The following DENND5A variants were observed in gnomAD, a reference collection of about 807,000 sequenced individuals.
DENND5A encodes DENN domain-containing protein 5A.
A neutral mutation model predicts 140.3 loss-of-function variants in DENND5A; 64 were observed. That is an observed-to-expected ratio of 0.46 (90% CI 0.37 to 0.56). DENND5A has a LOEUF of 0.56. Among genes scored for constraint, DENND5A ranks in the 20% least tolerant of loss-of-function variants. The pLI is 0.00. For synonymous variants in DENND5A, 605 were observed against 607.7 expected, an observed-to-expected ratio of 1.00 and a Z score of 0.07; for missense variants, 1,292 against 1,593.8, an observed-to-expected ratio of 0.81 and a Z score of 3.22.
chr11:9,145,170 GT>G, intron 17 of DENND5A, 57 bp from the exon 18 acceptor site: 2 of 1,277,402 alleles, frequency 1.6e-6, no homozygotes, highest in Admixed American at 3.4e-5. Flanking sequence ...AAGAACAGTA[GT>G]TCTCGGAGGC....
chr11:9,214,620 C>T (rs1202285326), intron 1 of DENND5A, among the ~76,000 whole-genome samples: 1 of 152,212 alleles, frequency 6.6e-6, no homozygotes, highest in African/African-American at 2.4e-5. Context: ...CCCACATCAC[C>T]AGCTGACTGT....
Position 9,203,958 on chromosome 11 carries a change from C to T in DENND5A, c.651G>A (p.Lys217=). 6.2e-7 allele frequency: 1 copy of T among 1,614,100 alleles called. No individual in the cohort carries two copies. The highest frequency in any genetic ancestry group is 8.5e-7 in the Non-Finnish European group (1 of 1,180,018). ...ICLITPMSFM[K]ACRSVLEQLH... ...GTTGCTCCAGCACGCTCCGACATGC[C>T]TTCATGAAAGACATGGGTGTGATGA... Residue 217 remains lysine, a synonymous_variant, in exon 4 of 23, where the codon AAG becomes AAA. Transcript: ENST00000328194.
At chr11:9,214,693 GC>G (rs1423884802) in intron 1 of DENND5A, among the ~76,000 whole-genome samples, 1 of 152,084 alleles carries the variant, frequency 6.6e-6, no homozygotes, top group African/African-American at 2.4e-5. Flanking sequence ...ACTGTCCACT[GC>G]CCCCCAACCC....
Position 9,148,929 on chromosome 11 carries a change from T to C in DENND5A, c.2735+1152A>G, listed in dbSNP as rs1264840707. Among the ~76,000 whole-genome samples, 4 of 152,122 alleles carry C rather than the reference T, an allele frequency of 2.6e-5. No homozygotes were observed. In the East Asian group the frequency reaches 7.7e-4, roughly 29 times the overall value. On this transcript the variant is annotated intron_variant, in intron 15 of 22. Coordinates refer to ENST00000328194, the MANE Select transcript of DENND5A (RefSeq NM_015213.4). Reference sequence around the variant, plus strand: ...GCAAGCGAGAAAGCAACAAAGAAACTGTGTGCATGCAAAGAATTGAAGATG... The same window carrying C: ...GCAAGCGAGAAAGCAACAAAGAAACCGTGTGCATGCAAAGAATTGAAGATG...
rs117463710 is a variant in DENND5A, at chr11:9,180,793, T to C, written c.1429A>G (p.Lys477Glu). The C allele has an allele frequency of 3.7e-4, 596 of 1,614,190 alleles. 6 individuals are homozygous for C. In the African/African-American group the frequency reaches 4.6e-3, roughly 12 times the overall value. Residue 477 changes from lysine (K) to glutamate (E), a missense_variant, in exon 6 of 23, where the codon AAG (lysine) becomes GAG (glutamate). Physicochemically the swap from Lys to Glu is moderately conservative, Grantham distance 56. Transcript: ENST00000328194. The stretch of plus-strand genomic sequence containing the variant: ...TTTTCCAGGCTCACCCCAGTTCTCT[T>C]GACCAAGGCTTGCAGCCGGGCAATA... ...ETIARLQALV[K>E]RTGVSLEKLE...
intron 11 of DENND5A, among the ~76,000 whole-genome samples, chr11:9,163,723 GA>G (rs1848071378): frequency 6.6e-6 from 1 of 150,810 alleles, no homozygotes; most frequent in Non-Finnish European, 1.5e-5. Context: ...AGAATTGCTT[GA>G]ACCTGGGAGG....
intron 5 of DENND5A, among the ~76,000 whole-genome samples, chr11:9,192,654 A>G (rs1849175338): frequency 6.6e-6 from 1 of 151,902 alleles, no homozygotes; most frequent in Non-Finnish European, 1.5e-5. Flanking sequence ...AAAACAAAAA[A>G]AAAACTCTAC....
At chr11:9,215,254 C>A (rs895313800) in intron 1 of DENND5A, among the ~76,000 whole-genome samples, 5 of 152,200 alleles carry the variant, frequency 3.3e-5, no homozygotes, top group Admixed American at 6.5e-5. Context: ...AGGCACCACA[C>A]ATGATCCAAC....
At chr11:9,213,413 A>C (rs905294624) in intron 1 of DENND5A, among the ~76,000 whole-genome samples, 1 of 151,772 alleles carries the variant, frequency 6.6e-6, no homozygotes, top group Non-Finnish European at 1.5e-5. Context: ...CCTCAAATTT[A>C]AAGTTTAACT....
intron 8 of DENND5A, chr11:9,177,023 G>A: frequency 2.3e-6 from 1 of 425,828 alleles, no homozygotes; most frequent in Non-Finnish European, 4.7e-6. Flanking sequence ...GGAATGCAGA[G>A]GTGGGAGAAC....
chr11:9,179,156 G>GA, intron 6 of DENND5A, 83 bp from the exon 7 acceptor site: 1 of 1,297,464 alleles, frequency 7.7e-7, no homozygotes. Context: ...TTTTTTATCT[G>GA]ATTTTTTTTT....
At position 9,206,644 on chromosome 11, in the gene DENND5A, T is replaced by C. The variant is rs1157302259; in HGVS notation, c.291+29A>G. The stretch of plus-strand genomic sequence containing the variant: ...CTATTATAAATTACTCTGTAAATTA[T>C]CTCATACTTGTGGCTAACAAATACC... On this transcript the variant is annotated intron_variant, in intron 3 of 22. Coordinates refer to ENST00000328194, the MANE Select transcript of DENND5A (RefSeq NM_015213.4). 1 of 1,466,856 alleles carries C rather than the reference T, an allele frequency of 6.8e-7. No homozygotes were observed. 90.9% of individuals were successfully genotyped at this position (1,466,856 alleles called of 1,614,324 possible). A position where few individuals can be genotyped will look rare whatever the true frequency, so the allele number is the denominator to read the frequency against.
chr11:9,193,417 C>A (rs1323192546), intron 5 of DENND5A, 77 bp downstream of exon 5: 10 of 1,170,330 alleles, frequency 8.5e-6, no homozygotes, highest in Non-Finnish European at 1.2e-5. Flanking sequence ...TAACATCATG[C>A]ATGCTGGGTT....
intron 1 of DENND5A, among the ~76,000 whole-genome samples, chr11:9,210,212 T>C (rs1186281519): frequency 6.6e-6 from 1 of 152,214 alleles, no homozygotes; most frequent in Non-Finnish European, 1.5e-5. Flanking sequence ...TTCTCAATTA[T>C]TTAGACCCTT....
chr11:9,163,608 A>G (rs1848066695), intron 11 of DENND5A, among the ~76,000 whole-genome samples: 1 of 152,174 alleles, frequency 6.6e-6, no homozygotes, highest in East Asian at 1.9e-4. Flanking sequence ...GTTCAATACC[A>G]GCCTGGTCAA....
At chr11:9,174,574 T>C (rs897424043) in intron 8 of DENND5A, among the ~76,000 whole-genome samples, 1 of 150,106 alleles carries the variant, frequency 6.7e-6, no homozygotes, top group African/African-American at 2.4e-5. Context: ...GCGGCACACA[T>C]CTACTGTCCT....
At chr11:9,220,484 T>G (rs1279687751) in intron 1 of DENND5A, among the ~76,000 whole-genome samples, 1 of 151,924 alleles carries the variant, frequency 6.6e-6, no homozygotes, top group African/African-American at 2.4e-5. Flanking sequence ...GAGGTGGAAG[T>G]TGCAGTGAGC....
chr11:9,243,332 T>A (rs1176437022), intron 1 of DENND5A, among the ~76,000 whole-genome samples: 1 of 152,138 alleles, frequency 6.6e-6, no homozygotes, highest in African/African-American at 2.4e-5. Context: ...AGAATGTACT[T>A]CACACAGATG....
At chr11:9,255,762 G>C (rs1053544965) in intron 1 of DENND5A, among the ~76,000 whole-genome samples, 7 of 152,196 alleles carry the variant, frequency 4.6e-5, no homozygotes, top group Non-Finnish European at 1.0e-4. Context: ...CTACTTGGGA[G>C]GCCAAGGCAG....
Sources: allele counts gnomAD v4.1 joint callset (sites outside exome capture counted in the v4.1 genomes callset), GRCh38; gene constraint gnomAD v4.1.1; transcripts MANE v1.5; gene names NCBI Gene and HGNC (gene_info 2026-07-23, HGNC 2026-07-21).